The following DNAH9 variants were observed in gnomAD, a reference collection of about 807,000 sequenced individuals.
DNAH9 encodes the protein DNAH9 variant protein.
A neutral mutation model predicts 471.6 loss-of-function variants in DNAH9; 345 were observed. That is an observed-to-expected ratio of 0.73 (90% CI 0.67 to 0.80). The LOEUF is 0.80. DNAH9 is among the 30% of genes least tolerant of loss of function. DNAH9 has a pLI of 0.00. For missense variants in DNAH9, 5,407 were observed against 5,609.2 expected (o/e 0.96, Z 1.15); for synonymous variants, 2,093 against 2,123.6 (o/e 0.99, Z 0.40).
intron 27 of DNAH9, among the ~76,000 whole-genome samples, chr17:11,722,377 G>A (rs772109411): frequency 2.6e-5 from 4 of 152,188 alleles, no homozygotes; most frequent in East Asian, 1.9e-4. Flanking sequence ...GAAGTCAGAC[G>A]AAATGAGAAA....
At chr17:11,776,050 G>A (rs112702991) in intron 38 of DNAH9, among the ~76,000 whole-genome samples, 22 of 152,218 alleles carry the variant, frequency 1.4e-4, no homozygotes, top group African/African-American at 5.3e-4. Flanking sequence ...CTTACAGTAT[G>A]GATAGCACAC....
chr17:11,905,608 C>A, intron 60 of DNAH9, 53 bp from the exon 61 acceptor site: 1 of 1,565,056 alleles, frequency 6.4e-7, no homozygotes, highest in South Asian at 1.2e-5. Context: ...CAAATGTTAC[C>A]ATTTTGTGGC....
intron 50 of DNAH9, among the ~76,000 whole-genome samples, chr17:11,857,458 A>C (rs1393697483): frequency 6.6e-6 from 1 of 152,192 alleles, no homozygotes; most frequent in Non-Finnish European, 1.5e-5. Flanking sequence ...CACCCAGGGC[A>C]AGAGGATTCC....
At chr17:11,800,275 C>A (rs1567810989) in intron 43 of DNAH9, among the ~76,000 whole-genome samples, 1 of 151,864 alleles carries the variant, frequency 6.6e-6, no homozygotes, top group Non-Finnish European at 1.5e-5. Flanking sequence ...ACACCCCTAT[C>A]CCTATCTAAG....
At chr17:11,792,743 A>G (rs1222962917) in intron 41 of DNAH9, among the ~76,000 whole-genome samples, 2 of 152,236 alleles carry the variant, frequency 1.3e-5, no homozygotes, top group East Asian at 3.8e-4. Flanking sequence ...TCAGTTTTCA[A>G]AATGGCACTG....
At position 11,680,899 on chromosome 17, in the gene DNAH9, G is replaced by T; in HGVS notation, c.3743+10G>T. The stretch of plus-strand genomic sequence containing the variant: ...AAGAAGCCCCGTTCAGGTATGGGCC[G>T]AACACTGCTGCCTCTCTTTCTGTGA... On this transcript the variant is annotated intron_variant, in intron 19 of 68. Transcript: ENST00000262442. 3.1e-6 allele frequency: 5 copies of T among 1,599,340 alleles called. No individual in the cohort carries two copies. The South Asian group carries it at 4.5e-5, about 14-fold the overall frequency.
intron 59 of DNAH9, among the ~76,000 whole-genome samples, chr17:11,900,597 T>C (rs1225476879): frequency 6.6e-6 from 1 of 152,130 alleles, no homozygotes; most frequent in East Asian, 1.9e-4. Flanking sequence ...CATCTTCTTT[T>C]TCCCTAAGCT....
rs1278881451 is a variant in DNAH9 at position 11,932,457 on chromosome 17, C to CA, written c.12297+253dup. 6.6e-6 allele frequency among the ~76,000 whole-genome samples: 1 copy of CA among 152,196 alleles called. No homozygotes were observed. The highest frequency in any genetic ancestry group is 1.5e-5 in the Non-Finnish European group (1 of 68,036). ...AACCTTGATAGTACAAATCGGAGCC[C>CA]ATGCATCAACATCATTGGCAGGACC... On this transcript the variant is annotated intron_variant, in intron 64 of 68. Transcript: ENST00000262442. The surrounding 1 kb of genome is among the most constrained non-coding windows in gnomAD (Gnocchi z 4.3).
At position 11,797,749 on chromosome 17, in the gene DNAH9, C is replaced by T; in HGVS notation, c.8376C>T (p.Asn2792=). The T allele has an allele frequency of 3.1e-6, 5 of 1,614,188 alleles. No homozygotes were observed. The highest frequency in any genetic ancestry group is 4.2e-6 in the Non-Finnish European group (5 of 1,180,032). ...VEALENHNEV[N]TVMDLVLFED... ...CCTTGGAGAACCACAATGAAGTCAA[C>T]ACAGTGATGGACCTAGTTCTCTTTG... Residue 2792 remains asparagine (N), a synonymous_variant, in exon 43 of 69, where the codon AAC becomes AAT. Coordinates refer to ENST00000262442, the MANE Select transcript of DNAH9 (RefSeq NM_001372.4).
intron 10 of DNAH9, among the ~76,000 whole-genome samples, chr17:11,644,040 C>T (rs1364896759): frequency 2.6e-5 from 4 of 152,090 alleles, no homozygotes; most frequent in African/African-American, 9.7e-5. Flanking sequence ...TGAGTGAATG[C>T]GAAGGCCTAG....
chr17:11,769,445 T>C, intron 38 of DNAH9, 116 bp downstream of exon 38: 2 of 865,930 alleles, frequency 2.3e-6, no homozygotes, highest in Non-Finnish European at 3.6e-6. Context: ...ACCCCAGCAC[T>C]GCGCACTTCC....
intron 58 of DNAH9, 114 bp from the exon 59 acceptor site, chr17:11,894,260 G>A: frequency 1.5e-5 from 22 of 1,428,448 alleles, no homozygotes; most frequent in Non-Finnish European, 1.8e-5. Context: ...AACCAAAATT[G>A]ATGGGCAAAC....
intron 40 of DNAH9, 27 bp downstream of exon 40, chr17:11,783,775 T>A (rs781354250): frequency 6.3e-7 from 1 of 1,583,950 alleles, no homozygotes; most frequent in Admixed American, 1.7e-5. Flanking sequence ...GGGACCTGGG[T>A]CCTAATCCTA....
chr17:11,709,495 G>A (rs1045677418), intron 26 of DNAH9, among the ~76,000 whole-genome samples: 6 of 152,080 alleles, frequency 3.9e-5, no homozygotes, highest in Admixed American at 3.3e-4. Context: ...TCTCCTGCCC[G>A]AAGAATTAAT....
intron 19 of DNAH9, among the ~76,000 whole-genome samples, chr17:11,683,237 G>A (rs1392195274): frequency 2.0e-5 from 3 of 152,142 alleles, no homozygotes; most frequent in Admixed American, 6.5e-5. Flanking sequence ...GCAATGGCAC[G>A]ATCTCGGCTC....
At chr17:11,732,496 T>C (rs1022877816) in intron 28 of DNAH9, among the ~76,000 whole-genome samples, 18 of 152,102 alleles carry the variant, frequency 1.2e-4, no homozygotes, top group African/African-American at 4.3e-4. Context: ...CCACTGCTTG[T>C]CCGTCTGTGC....
intron 19 of DNAH9, among the ~76,000 whole-genome samples, chr17:11,683,177 G>T (rs564759309): frequency 1.3e-5 from 2 of 152,126 alleles, no homozygotes; most frequent in East Asian, 3.9e-4. Flanking sequence ...TTTTTGTTTT[G>T]TTTTGTTTTG....
chr17:11,649,084 G>A (rs1453592536), intron 12 of DNAH9, among the ~76,000 whole-genome samples: 15 of 149,770 alleles, frequency 1.0e-4, no homozygotes, highest in Admixed American at 2.0e-4. Flanking sequence ...CCGAGATTGC[G>A]CCATTGCACT....
At position 11,705,171 on chromosome 17, in the gene DNAH9, A is replaced by C. The variant is rs1216285908; in HGVS notation, c.5538A>C (p.Thr1846=). 2 of 1,614,052 alleles carry C rather than the reference A, an allele frequency of 1.2e-6. No homozygotes were observed. The highest frequency in any genetic ancestry group is 1.7e-6 in the Non-Finnish European group (2 of 1,179,944). ...GAAACACACCTCGCTTGGTGATCAC[A>C]CCTTTGACTGACAGGTGAGCACTGG... ...YLGNTPRLVI[T]PLTDRCYITL... The change falls in exon 26 of 69, where the codon ACA becomes ACC. Residue 1846 remains threonine (T), a synonymous_variant. Coordinates refer to ENST00000262442, the MANE Select transcript of DNAH9 (RefSeq NM_001372.4).
Sources: gnomAD v4.1 joint callset for allele counts (sites outside exome capture counted in the v4.1 genomes callset) on GRCh38, gnomAD v4.1.1 for gene constraint, Gnocchi (gnomAD v3.1) non-coding constraint, MANE v1.5 for transcripts, NCBI Gene and HGNC (gene_info 2026-07-23, HGNC 2026-07-21) for gene names.